Variants in SULT6B1 observed in about 807,000 individuals in gnomAD.
SULT6B1 encodes the protein sulfotransferase family 6B member 1.
A neutral mutation model predicts 37.2 loss-of-function variants in SULT6B1; 44 were observed. The observed-to-expected ratio is 1.18, with a 90% confidence interval of 0.93 to 1.52. The LOEUF is 1.52. Among genes scored for constraint, SULT6B1 ranks in the 40% most tolerant of loss-of-function variants. The probability of loss-of-function intolerance (pLI) is 0.00; values close to 1 mark genes in which losing one functional copy is unlikely to be tolerated. For synonymous variants in SULT6B1, 140 were observed against 126.0 expected (o/e 1.11, Z -0.74); for missense variants, 450 against 361.0 (o/e 1.25, Z -2.00).
chr2:37,186,041 T>A (rs1361682310), intron 2 of SULT6B1, among the ~76,000 whole-genome samples: 1 of 152,096 alleles, frequency 6.6e-6, no homozygotes, highest in Non-Finnish European at 1.5e-5. Context: ...TCTGAGTCCC[T>A]TTACCATGTG....
upstream of SULT6B1, among the ~76,000 whole-genome samples, chr2:37,191,575 C>A (rs1034012815): frequency 5.9e-5 from 9 of 152,138 alleles, no homozygotes; most frequent in South Asian, 2.1e-4. Context: ...AAGTTCTTGT[C>A]CTGCATTCAA....
chr2:37,174,591 T>G (rs1432097204), intron 5 of SULT6B1, among the ~76,000 whole-genome samples: 3 of 152,304 alleles, frequency 2.0e-5, no homozygotes, highest in East Asian at 3.9e-4. Context: ...TGCTGTTTCT[T>G]TTTTTCTCAC....
At chr2:37,180,204 A>G (rs1041321218) in intron 3 of SULT6B1, among the ~76,000 whole-genome samples, 3 of 152,226 alleles carry the variant, frequency 2.0e-5, no homozygotes, top group South Asian at 2.1e-4. Context: ...GAAGCCTTCT[A>G]TTTCAAGAAC....
chr2:37,175,373 C>G (rs1331799385), intron 4 of SULT6B1, 147 bp from the exon 5 acceptor site: 1 of 411,134 alleles, frequency 2.4e-6, no homozygotes, highest in Non-Finnish European at 4.3e-6. Flanking sequence ...CACCAAAAAG[C>G]TGATATAAAT....
chr2:37,171,422 A>C lies in SULT6B1; in HGVS notation c.781+12T>G. 1 of 1,610,020 alleles carries C rather than the reference A, an allele frequency of 6.2e-7. No homozygotes were observed. The highest frequency in any genetic ancestry group is 2.2e-5 in the East Asian group (1 of 44,846). ...TAACTGATAACAATCCCAGAAACCAATGCGACTTTACCTTTGCGGAAAAGG... is the reference window on the plus strand; with the variant it reads ...TAACTGATAACAATCCCAGAAACCACTGCGACTTTACCTTTGCGGAAAAGG... On this transcript the variant is annotated intron_variant, in intron 6 of 6. Coordinates refer to ENST00000535679, the MANE Select transcript of SULT6B1 (RefSeq NM_001367551.1).
At chr2:37,168,142 A>G in intron 6 of SULT6B1, 77 bp from the exon 7 acceptor site, 1 of 1,381,126 alleles carries the variant, frequency 7.2e-7, no homozygotes. Flanking sequence ...TCAGTGCAAT[A>G]TTTCACTCTG....
In SULT6B1 at chr2:37,187,347, G is replaced by A; in HGVS notation, c.312+8C>T. 1 of 1,524,714 alleles carries A rather than the reference G, an allele frequency of 6.6e-7. No homozygotes were observed. 94.4% of individuals were successfully genotyped at this position (1,524,714 alleles called of 1,614,324 possible). A position where few individuals can be genotyped will look rare whatever the true frequency, so the allele number is the denominator to read the frequency against. On this transcript the variant is annotated splice_region_variant and intron_variant, in intron 2 of 6. Coordinates refer to ENST00000535679, the MANE Select transcript of SULT6B1 (RefSeq NM_001367551.1). Reference sequence around the variant, plus strand: ...TTTGCTGTAAGGTTAAAGGCTGGTTGTACTAACCTGATATTTTTCTGAATC... The same window carrying A: ...TTTGCTGTAAGGTTAAAGGCTGGTTATACTAACCTGATATTTTTCTGAATC...
At chr2:37,182,002 A>G (rs1445283308) in intron 3 of SULT6B1, among the ~76,000 whole-genome samples, 2 of 152,210 alleles carry the variant, frequency 1.3e-5, no homozygotes, top group South Asian at 2.1e-4. Flanking sequence ...AATGGGAATT[A>G]GCATAGATGA....
intron 2 of SULT6B1, among the ~76,000 whole-genome samples, chr2:37,183,805 A>C (rs1411690543): frequency 6.6e-6 from 1 of 152,108 alleles, no homozygotes; most frequent in East Asian, 1.9e-4. Context: ...CACCATGCCC[A>C]GTTAATTTTT....
intron 1 of SULT6B1, among the ~76,000 whole-genome samples, chr2:37,194,963 T>A (rs926462930): frequency 1.5e-5 from 2 of 133,910 alleles, no homozygotes; most frequent in Non-Finnish European, 3.1e-5. Context: ...CTTCCTTCCA[T>A]TTTTGAGACA....
intron 3 of SULT6B1, among the ~76,000 whole-genome samples, chr2:37,180,444 G>A (rs2148292747): frequency 6.6e-6 from 1 of 152,344 alleles, no homozygotes; most frequent in East Asian, 1.9e-4. Flanking sequence ...GTAACCAACA[G>A]GGGGCAACAT....
intron 6 of SULT6B1, among the ~76,000 whole-genome samples, chr2:37,170,758 A>AAAC (rs1553342296): frequency 6.3e-5 from 9 of 143,206 alleles, no homozygotes; most frequent in African/African-American, 2.3e-4. Context: ...AAAAAAAAAA[A>AAAC]AACTCACTGA....
At chr2:37,184,522 C>T (rs918488043) in intron 2 of SULT6B1, among the ~76,000 whole-genome samples, 2 of 152,242 alleles carry the variant, frequency 1.3e-5, no homozygotes, top group East Asian at 1.9e-4. Flanking sequence ...TTTAGTCCCA[C>T]ATCTGTAGCG....
intron 1 of SULT6B1, chr2:37,194,851 TCCTCCCTCCCTCCCTCCCTC>T (rs201487451): frequency 1.1e-5 from 1 of 94,360 alleles, no homozygotes; most frequent in Admixed American, 1.1e-4. Context: ...TCTCCTTCCT[TCCTCCCTCCCTCCCTCCCTC>T]CCTCCCTCCC....
upstream of SULT6B1, among the ~76,000 whole-genome samples, chr2:37,192,983 G>A (rs1189676969): frequency 6.6e-6 from 1 of 152,170 alleles, no homozygotes; most frequent in Non-Finnish European, 1.5e-5. Context: ...TGTATCGTGT[G>A]ATATGTTTGA....
At chr2:37,171,991 T>C (rs1339520650) in intron 5 of SULT6B1, among the ~76,000 whole-genome samples, 1 of 152,216 alleles carries the variant, frequency 6.6e-6, no homozygotes, top group Non-Finnish European at 1.5e-5. Context: ...ATTCTATTTA[T>C]AGCTAATGTT....
intron 1 of SULT6B1, chr2:37,194,582 G>A (rs1676854102): frequency 2.7e-6 from 1 of 370,732 alleles, no homozygotes; most frequent in Non-Finnish European, 5.3e-6. Flanking sequence ...CTCCTTCATT[G>A]CAAAATTTCC....
chr2:37,184,789 G>A (rs1003813103), intron 2 of SULT6B1, among the ~76,000 whole-genome samples: 8 of 151,510 alleles, frequency 5.3e-5, no homozygotes, highest in Non-Finnish European at 8.8e-5. Context: ...CTGAGATCGC[G>A]CCACTGCACT....
chr2:37,179,258 C>G (rs976457637), intron 4 of SULT6B1, among the ~76,000 whole-genome samples, 200 bp downstream of exon 4: 1 of 152,076 alleles, frequency 6.6e-6, no homozygotes, highest in African/African-American at 2.4e-5. Context: ...ACACCTGGCC[C>G]CAAATTCGTT....
Sources: gnomAD v4.1 joint callset for allele counts (sites outside exome capture counted in the v4.1 genomes callset) on GRCh38, gnomAD v4.1.1 for gene constraint, MANE v1.5 for transcripts, NCBI Gene and HGNC (gene_info 2026-07-23, HGNC 2026-07-21) for gene names.